SLC25A13: variants seen among roughly 807,000 people sequenced by gnomAD.
The protein encoded by SLC25A13 is electrogenic aspartate/glutamate antiporter SLC25A13, mitochondrial.
A neutral mutation model predicts 85.5 loss-of-function variants in SLC25A13; 70 were observed. The ratio of observed to expected loss-of-function variants is 0.82; its 90% CI spans 0.68 to 1.00. SLC25A13 has a LOEUF of 1.00. Among genes scored for constraint, SLC25A13 ranks in the 50% least tolerant of loss-of-function variants. The pLI, the probability that SLC25A13 is intolerant of heterozygous loss-of-function variation, is 0.00. For synonymous variants in SLC25A13, 259 were observed against 288.7 expected (o/e 0.90, Z 1.04); for missense variants, 765 against 819.8 (o/e 0.93, Z 0.82).
At chr7:96,231,553 C>G (rs775422940) in intron 4 of SLC25A13, among the ~76,000 whole-genome samples, 1 of 151,954 alleles carries the variant, frequency 6.6e-6, no homozygotes, top group Admixed American at 6.6e-5. Flanking sequence ...GGTAAAACCA[C>G]GTCTCTACTA....
chr7:96,238,047 C>T (rs1215430986), intron 3 of SLC25A13, among the ~76,000 whole-genome samples: 2 of 152,094 alleles, frequency 1.3e-5, no homozygotes, highest in Non-Finnish European at 2.9e-5. Flanking sequence ...CCCCTAGAAC[C>T]TCAGAATGTG....
At chr7:96,313,749 C>T (rs991515477) in intron 1 of SLC25A13, among the ~76,000 whole-genome samples, 13 of 151,800 alleles carry the variant, frequency 8.6e-5, no homozygotes, top group African/African-American at 1.5e-4. Flanking sequence ...CATGTACCTC[C>T]GGAATCTAAA....
At position 96,241,037 on chromosome 7, in the gene SLC25A13, G is replaced by GGAAAGAAAGAAAGAAA. The variant is rs200466951; in HGVS notation, c.213-6136_213-6121dup. Among the ~76,000 whole-genome samples the GGAAAGAAAGAAAGAAA allele has an allele frequency of 2.2e-3, 181 of 80,672 alleles. 2 individuals are homozygous for GGAAAGAAAGAAAGAAA. The highest frequency in any genetic ancestry group is 9.7e-3 in the East Asian group (26 of 2,690). The allele number at this position is 80,672 out of a possible 152,430, so 52.9% of individuals were successfully genotyped here. A position where few individuals can be genotyped will look rare whatever the true frequency, so the allele number is the denominator to read the frequency against. Reference sequence around the variant, plus strand: ...AAGAAAAGAAAAGAAAAGAAAGAAAGGAAAGAAAGAAAGAAAGAAAGAAAG... The same window carrying GGAAAGAAAGAAAGAAA: ...AAGAAAAGAAAAGAAAAGAAAGAAAGGAAAGAAAGAAAGAAAGAAAGAAAGAAAGAAAGAAAGAAAG... On this transcript the variant is annotated intron_variant, in intron 3 of 17. Transcript: ENST00000265631.
In SLC25A13 at chr7:96,204,410, C is replaced by T. The variant is rs141894684; in HGVS notation, c.468+4428G>A. ...GCAAAGCAGGCTGGGCACGGTGGCT[C>T]ATGCCTGTAATCCCAGCACTTTGAG... is the stretch of plus-strand genomic sequence containing the variant. On this transcript the variant is annotated intron_variant, in intron 5 of 17. Transcript: ENST00000265631. 1.5e-3 allele frequency among the ~76,000 whole-genome samples: 235 copies of T among 152,234 alleles called. 2 individuals are homozygous for T. Among genetic ancestry groups the T allele is most frequent in the African/African-American group, 5.5e-3 (228 of 41,536 alleles).
intron 14 of SLC25A13, among the ~76,000 whole-genome samples, chr7:96,135,085 C>G (rs1449077367): frequency 6.6e-6 from 1 of 152,086 alleles, no homozygotes. Flanking sequence ...CTTAAGCTTC[C>G]TCACCTGTCA....
intron 3 of SLC25A13, among the ~76,000 whole-genome samples, chr7:96,238,110 T>C (rs547901116): frequency 2.0e-4 from 30 of 152,288 alleles, no homozygotes; most frequent in Admixed American, 1.8e-3. Flanking sequence ...GATGAGATCA[T>C]AGTGGAGTAG....
At chr7:96,274,713 A>G (rs1279613971) in intron 3 of SLC25A13, among the ~76,000 whole-genome samples, 2 of 152,240 alleles carry the variant, frequency 1.3e-5, no homozygotes, top group Non-Finnish European at 2.9e-5. Context: ...ATCCAGTTTC[A>G]GCTTTCTACA....
intron 15 of SLC25A13, among the ~76,000 whole-genome samples, chr7:96,129,900 A>C (rs1791947914): frequency 6.6e-6 from 1 of 152,228 alleles, no homozygotes. Flanking sequence ...CTTAAGTGAA[A>C]ACTATCTATA....
chr7:96,185,599 A>C (rs996223845), intron 9 of SLC25A13, among the ~76,000 whole-genome samples: 1 of 151,464 alleles, frequency 6.6e-6, no homozygotes, highest in Non-Finnish European at 1.5e-5. Flanking sequence ...CTATCTCAAA[A>C]ATAAAAATAG....
chr7:96,188,080 A>C (rs1237581359), intron 9 of SLC25A13, among the ~76,000 whole-genome samples: 1 of 152,214 alleles, frequency 6.6e-6, no homozygotes, highest in Non-Finnish European at 1.5e-5. Flanking sequence ...GGATCTAAAA[A>C]AAACTTCTCT....
At position 96,191,108 on chromosome 7, in the gene SLC25A13, C is replaced by A. The variant is rs1794829202; in HGVS notation, c.754+1G>T. On this transcript the variant is annotated splice_donor_variant, in intron 7 of 17. Transcript: ENST00000265631. LOFTEE classifies it high-confidence loss of function. ...TAGAATTCAGATATATTCTCACTCACCCTTAGTCACTTCAACATCTTTCCT... is the reference window on the plus strand; with the variant it reads ...TAGAATTCAGATATATTCTCACTCAACCTTAGTCACTTCAACATCTTTCCT... 1.1e-5 allele frequency: 17 copies of A among 1,614,018 alleles called. No individual in the cohort carries two copies. Among genetic ancestry groups the A allele is most frequent in the Non-Finnish European group, 1.4e-5 (17 of 1,180,000 alleles).
chr7:96,170,783 G>A (rs1216999568), intron 12 of SLC25A13, among the ~76,000 whole-genome samples: 2 of 152,184 alleles, frequency 1.3e-5, no homozygotes, highest in Non-Finnish European at 2.9e-5. Flanking sequence ...CCAAAGCTAC[G>A]CAGCCCAACC....
intron 3 of SLC25A13, among the ~76,000 whole-genome samples, chr7:96,267,286 A>T (rs1562889515): frequency 6.6e-6 from 1 of 152,246 alleles, no homozygotes; most frequent in Non-Finnish European, 1.5e-5. Flanking sequence ...TGATTTTATC[A>T]TCAACATTAT....
intron 13 of SLC25A13, among the ~76,000 whole-genome samples, chr7:96,149,877 C>A (rs189943373): frequency 6.6e-6 from 1 of 152,166 alleles, no homozygotes; most frequent in South Asian, 2.1e-4. Context: ...ATAGCTGAAT[C>A]GGCAGACAAT....
Position 96,213,837 on chromosome 7 carries a change from T to A in SLC25A13, c.329-4860A>T, listed in dbSNP as rs1382229234. ...ACTAATTAGCATTAAAATGTGCATG[T>A]AGCACTAGTATATATTTTGGATATA... On this transcript the variant is annotated intron_variant, in intron 4 of 17. Transcript: ENST00000265631. Among the ~76,000 whole-genome samples, 6 of 152,242 alleles carry A rather than the reference T, an allele frequency of 3.9e-5. No homozygotes were observed. In the East Asian group the frequency reaches 9.6e-4, roughly 24 times the overall value.
chr7:96,170,531 C>A (rs1430180366), intron 12 of SLC25A13, among the ~76,000 whole-genome samples: 1 of 152,154 alleles, frequency 6.6e-6, no homozygotes, highest in East Asian at 1.9e-4. Context: ...AAACAGTACT[C>A]ATCATGGAGA....
chr7:96,174,133 T>C (rs954945724), intron 11 of SLC25A13, among the ~76,000 whole-genome samples: 2 of 152,232 alleles, frequency 1.3e-5, no homozygotes, highest in Non-Finnish European at 2.9e-5. Flanking sequence ...TGGGAGCGCC[T>C]GTCCCCATCA....
At chr7:96,229,241 C>A (rs1334991708) in intron 4 of SLC25A13, among the ~76,000 whole-genome samples, 7 of 152,320 alleles carry the variant, frequency 4.6e-5, no homozygotes, top group African/African-American at 1.7e-4. Flanking sequence ...AATCAGCACT[C>A]TGTATCTAGC....
intron 15 of SLC25A13, among the ~76,000 whole-genome samples, chr7:96,125,731 C>T (rs1791696938): frequency 6.7e-6 from 1 of 150,330 alleles, no homozygotes; most frequent in Admixed American, 6.6e-5. Context: ...TATATTATTG[C>T]TACACATTAC....
Sources: allele counts gnomAD v4.1 joint callset (sites outside exome capture counted in the v4.1 genomes callset), GRCh38; gene constraint gnomAD v4.1.1; transcripts MANE v1.5; gene names NCBI Gene and HGNC (gene_info 2026-07-23, HGNC 2026-07-21).